The following RPE variants were observed in gnomAD, a reference collection of about 807,000 sequenced individuals.
RPE encodes the protein ribulose-phosphate 3-epimerase.
A neutral mutation model predicts 24.6 loss-of-function variants in RPE; 16 were observed. The ratio of observed to expected loss-of-function variants is 0.65; its 90% CI spans 0.44 to 0.99. The LOEUF is 0.99. RPE is among the 50% of genes least tolerant of loss of function. The probability of loss-of-function intolerance (pLI) is 0.00; values close to 1 mark genes in which losing one functional copy is unlikely to be tolerated. For missense variants in RPE, 240 were observed against 294.5 expected (o/e 0.81, Z 1.35); for synonymous variants, 93 against 98.4 (o/e 0.94, Z 0.33).
At chr2:210,014,355 C>T (rs2093741838) in intron 2 of RPE, among the ~76,000 whole-genome samples, 1 of 152,184 alleles carries the variant, frequency 6.6e-6, no homozygotes, top group Non-Finnish European at 1.5e-5. Context: ...TCCCAAAGTG[C>T]TGGGGTTACA....
rs578035959 is a variant in RPE, at chr2:210,002,692, A to G, written c.31A>G (p.Ile11Val). 7 of 1,614,108 alleles carry G rather than the reference A, an allele frequency of 4.3e-6. No individual in the cohort carries two copies. The highest frequency in any genetic ancestry group is 4.5e-5 in the East Asian group (2 of 44,864). MASGCKIGPS[I>V]LNSDLANLGA... Reference sequence around the variant, plus strand: ...GTCGGGCTGCAAGATTGGCCCGTCCATCCTCAACAGCGACCTGGCCAATTT... The same window carrying G: ...GTCGGGCTGCAAGATTGGCCCGTCCGTCCTCAACAGCGACCTGGCCAATTT... The change falls in exon 1 of 6, where the codon ATC (isoleucine) becomes GTC (valine). Residue 11 changes from isoleucine to valine, a missense_variant. Ile to Val is a conservative substitution (Grantham distance 29). Coordinates refer to ENST00000359429, the MANE Select transcript of RPE (RefSeq NM_199229.3).
intron 2 of RPE, among the ~76,000 whole-genome samples, chr2:210,011,720 A>G (rs143826886): frequency 6.6e-6 from 1 of 152,216 alleles, no homozygotes; most frequent in Non-Finnish European, 1.5e-5. Flanking sequence ...TACCCAGGCA[A>G]GAGTACAGTG....
intron 2 of RPE, among the ~76,000 whole-genome samples, chr2:210,011,161 T>G (rs1015735718): frequency 4.6e-5 from 7 of 152,194 alleles, no homozygotes; most frequent in African/African-American, 1.7e-4. Context: ...GGAAACAATG[T>G]TCCACCAATA....
chr2:210,002,695 C>G lies in RPE; in HGVS notation c.34C>G (p.Leu12Val), dbSNP rs999644667. The change falls in exon 1 of 6, where the codon CTC becomes GTC. Residue 12 changes from leucine to valine, a missense_variant. By Grantham distance (32) the Leu-to-Val change is conservative (BLOSUM62 1). Transcript: ENST00000359429. ...ASGCKIGPSI[L>V]NSDLANLGAE... ...GGGCTGCAAGATTGGCCCGTCCATC[C>G]TCAACAGCGACCTGGCCAATTTAGG... The G allele has an allele frequency of 1.2e-6, 2 of 1,614,168 alleles. No homozygotes were observed. The highest frequency in any genetic ancestry group is 2.7e-5 in the African/African-American group (2 of 75,048).
chr2:210,010,553 C>T (rs903664488), intron 2 of RPE, among the ~76,000 whole-genome samples: 2 of 152,102 alleles, frequency 1.3e-5, no homozygotes, highest in African/African-American at 4.8e-5. Flanking sequence ...CTTGAGCCAC[C>T]AGCCTAGCCA....
intron 1 of RPE, among the ~76,000 whole-genome samples, chr2:210,006,666 A>G (rs900711178): frequency 5.3e-5 from 8 of 152,354 alleles, no homozygotes; most frequent in African/African-American, 1.9e-4. Context: ...CCCAGACTAC[A>G]CAGCAAATTA....
At chr2:210,006,396 G>A (rs1163326209) in intron 1 of RPE, among the ~76,000 whole-genome samples, 1 of 152,090 alleles carries the variant, frequency 6.6e-6, no homozygotes, top group East Asian at 1.9e-4. Context: ...GCTTAGCGTA[G>A]CCTTTGGGTT....
chr2:210,004,297 C>A lies in RPE; in HGVS notation c.122+1514C>A, dbSNP rs186243911. On this transcript the variant is annotated intron_variant, in intron 1 of 5. Transcript: ENST00000359429. The stretch of plus-strand genomic sequence containing the variant: ...ACCAGTCAGGATTATTAATGATAAC[C>A]ATAGTAGCAATGTTTATGAGCACTT... 1.2e-3 allele frequency among the ~76,000 whole-genome samples: 188 copies of A among 152,308 alleles called. 1 individual carries two copies. The highest frequency in any genetic ancestry group is 4.3e-3 in the African/African-American group (177 of 41,566).
In RPE at chr2:210,018,146, A is replaced by AT. The variant is rs1473736407; in HGVS notation, c.564+590dup. 3 of 1,527,300 alleles carry AT rather than the reference A, an allele frequency of 2.0e-6. No homozygotes were observed. The African/African-American group carries it at 4.2e-5, about 21-fold the overall frequency. The allele number at this position is 1,527,300 out of a possible 1,614,324, so 94.6% of individuals were successfully genotyped here. On this transcript the variant is annotated intron_variant, in intron 5 of 5. Coordinates refer to ENST00000359429, the MANE Select transcript of RPE (RefSeq NM_199229.3). ...TCTTTTTTATAAAAGAATATGTTGA[A>AT]TTTCAGCCCTTTGGAAGATCATTAA...
At chr2:210,018,656 A>G (rs1435287678) in intron 5 of RPE, 2 of 985,174 alleles carry the variant, frequency 2.0e-6, no homozygotes, top group East Asian at 1.1e-4. Flanking sequence ...TCGCTTGTGG[A>G]ATTGCTTTGT....
rs762018181 is a variant in RPE at position 210,016,032 on chromosome 2, G to A, written c.262G>A (p.Ala88Thr). ...QWVKPMAVAG[A>T]NQYTFHLEAT... The stretch of plus-strand genomic sequence containing the variant: ...GGTAAAGCCAATGGCTGTAGCAGGA[G>A]CCAATCAGTACACCTTTCATCTCGA... Residue 88 changes from alanine to threonine, a missense_variant, in exon 3 of 6, where the codon GCC (alanine) becomes ACC (threonine). By Grantham distance (58) the Ala-to-Thr change is moderately conservative (BLOSUM62 0). Coordinates refer to ENST00000359429, the MANE Select transcript of RPE (RefSeq NM_199229.3). The A allele has an allele frequency of 4.3e-6, 7 of 1,614,232 alleles. No homozygotes were observed. The highest frequency in any genetic ancestry group is 1.7e-5 in the Admixed American group (1 of 60,028).
intron 1 of RPE, 122 bp from the exon 2 acceptor site, chr2:210,009,535 A>T: frequency 7.6e-7 from 1 of 1,313,496 alleles, no homozygotes; most frequent in Non-Finnish European, 1.1e-6. Flanking sequence ...AATACTGATG[A>T]TTAAGTATTA....
chr2:210,017,516 T>C lies in RPE; in HGVS notation c.521T>C (p.Val174Ala). Residue 174 changes from valine to alanine, a missense_variant, in exon 5 of 6, where the codon GTC becomes GCC. Coordinates refer to ENST00000359429, the MANE Select transcript of RPE (RefSeq NM_199229.3). ...RTQFPSLDIE[V>A]DGGVGPDTVH... is the part of the protein sequence containing the mutation. ...CAGTTCCCATCTTTGGATATAGAGGTCGATGGTGGAGTAGGTCCTGACACT... is the reference window on the plus strand; with the variant it reads ...CAGTTCCCATCTTTGGATATAGAGGCCGATGGTGGAGTAGGTCCTGACACT... 1 of 1,609,922 alleles carries C rather than the reference T, an allele frequency of 6.2e-7. No homozygotes were observed. Among genetic ancestry groups the C allele is most frequent in the Non-Finnish European group, 8.5e-7 (1 of 1,179,696 alleles).
chr2:210,006,793 T>A (rs1263479227), intron 1 of RPE, among the ~76,000 whole-genome samples: 1 of 152,224 alleles, frequency 6.6e-6, no homozygotes, highest in Non-Finnish European at 1.5e-5. Context: ...ATGCATCTTA[T>A]CCACAGCCCT....
At chr2:210,019,642 C>T in intron 5 of RPE, 27 bp from the exon 6 acceptor site, 1 of 1,606,996 alleles carries the variant, frequency 6.2e-7, no homozygotes. Context: ...TCCTTTGAGG[C>T]ATAACCTAAC....
chr2:210,020,026 A>G lies in RPE; in HGVS notation c.*235A>G, dbSNP rs942358594. 5 of 349,782 alleles carry G rather than the reference A, an allele frequency of 1.4e-5. No homozygotes were observed. The highest frequency in any genetic ancestry group is 2.1e-5 in the Non-Finnish European group (4 of 192,302). 21.7% of individuals were successfully genotyped at this position (349,782 alleles called of 1,614,324 possible). On this transcript the variant is annotated 3_prime_UTR_variant, in exon 6 of 6. Coordinates refer to ENST00000359429, the MANE Select transcript of RPE (RefSeq NM_199229.3). ...AGTGAGTAAGATACTGTTTTTATTG[A>G]GAGATTTGATTTTTATAAAGTAAAA...
chr2:210,011,853 T>C (rs1216460891), intron 2 of RPE, among the ~76,000 whole-genome samples: 2 of 149,356 alleles, frequency 1.3e-5, no homozygotes, highest in Non-Finnish European at 3.0e-5. Flanking sequence ...TTTTTTTTTT[T>C]TTACTTTTTG....
Position 210,002,658 on chromosome 2 carries a change from C to A in RPE, c.-4C>A. The A allele has an allele frequency of 1.2e-6, 2 of 1,611,720 alleles. No homozygotes were observed. Among genetic ancestry groups the A allele is most frequent in the South Asian group, 1.1e-5 (1 of 90,986 alleles). On this transcript the variant is annotated 5_prime_UTR_variant, in exon 1 of 6. Transcript: ENST00000359429. ...TGGGTAACTTGCTTTTGGGAGCCAG[C>A]GGTATGGCGTCGGGCTGCAAGATTG... is the stretch of plus-strand genomic sequence containing the variant.
intron 2 of RPE, among the ~76,000 whole-genome samples, chr2:210,012,624 T>A (rs1473858251): frequency 6.6e-6 from 1 of 152,236 alleles, no homozygotes; most frequent in East Asian, 1.9e-4. Flanking sequence ...AACACTATGT[T>A]TGTTTGAAAG....
Sources: allele counts gnomAD v4.1 joint callset (sites outside exome capture counted in the v4.1 genomes callset), GRCh38; gene constraint gnomAD v4.1.1; transcripts MANE v1.5; gene names NCBI Gene and HGNC (gene_info 2026-07-23, HGNC 2026-07-21).